The following SCARA5 variants were observed in gnomAD, a reference collection of about 807,000 sequenced individuals.
The protein encoded by SCARA5 is scavenger receptor class A, member 5 (putative).
A neutral mutation model predicts 46.3 loss-of-function variants in SCARA5; 45 were observed. The observed-to-expected ratio is 0.97, with a 90% CI of 0.76 to 1.24. The LOEUF is 1.24. Among genes scored for constraint, SCARA5 ranks in the 50% most tolerant of loss-of-function variants. The probability of loss-of-function intolerance (pLI) is 0.00; values close to 1 mark genes in which losing one functional copy is unlikely to be tolerated. For missense variants in SCARA5, 680 were observed against 689.0 expected (o/e 0.99, Z 0.15); for synonymous variants, 333 against 306.5 (o/e 1.09, Z -0.90).
chr8:27,875,043 C>T (rs1417347748), intron 8 of SCARA5, among the ~76,000 whole-genome samples: 3 of 152,218 alleles, frequency 2.0e-5, no homozygotes, highest in Non-Finnish European at 4.4e-5. Context: ...TGTTATGGTG[C>T]CAGACCCCTG....
At chr8:27,984,528 C>A (rs1356877586) in intron 2 of SCARA5, among the ~76,000 whole-genome samples, 1 of 151,116 alleles carries the variant, frequency 6.6e-6, no homozygotes, top group Non-Finnish European at 1.5e-5. Context: ...ATTCATCCAT[C>A]TATCCATTCA....
chr8:27,891,236 C>T (rs1396789072), intron 7 of SCARA5, among the ~76,000 whole-genome samples: 5 of 150,278 alleles, frequency 3.3e-5, no homozygotes, highest in Admixed American at 6.7e-5. Context: ...GGAGGAGTCT[C>T]GCTCTGTCAT....
In SCARA5 at chr8:27,904,816, C is replaced by A. The variant is rs1807225173; in HGVS notation, c.1115G>T (p.Gly372Val). 6.2e-7 allele frequency: 1 copy of A among 1,612,314 alleles called. No homozygotes were observed. The change falls in exon 7 of 9, where the codon GGA becomes GTA. Residue 372 changes from glycine (G) to valine (V), a missense_variant. Gly to Val is a moderately radical substitution (Grantham distance 109). Transcript: ENST00000354914. ...TCTGTCTCCTTTCTCTCCTTTCTCTCCTTTTGGGCCTCGGTCACCTAAAAC... is the reference window on the plus strand; with the variant it reads ...TCTGTCTCCTTTCTCTCCTTTCTCTACTTTTGGGCCTCGGTCACCTAAAAC... ...RGFKGDRGPK[G>V]EKGEKGDRAG...
rs1276403351 is a variant in SCARA5 at position 27,870,229 on chromosome 8, T to G, written c.*1705A>C. 4 of 151,854 alleles carry G rather than the reference T, an allele frequency of 2.6e-5. No homozygotes were observed. The highest frequency in any genetic ancestry group is 4.4e-5 in the Non-Finnish European group (3 of 67,956). 9.4% of individuals were successfully genotyped at this position (151,854 alleles called of 1,614,324 possible). ...TTCACCTTTAGTTTTTTTTTTTTTT[T>G]TTTTTTAACTTAAATGCAAACCTTG... On this transcript the variant is annotated 3_prime_UTR_variant, in exon 9 of 9. Transcript: ENST00000354914.
rs555595121 is a variant in SCARA5, at chr8:27,955,364, G to T, written c.241+11050C>A. On this transcript the variant is annotated intron_variant, in intron 3 of 8. Coordinates refer to ENST00000354914, the MANE Select transcript of SCARA5 (RefSeq NM_173833.6). ...GCATCCCTTGGATTGCTCCAAAAAG[G>T]GTCTCAGAGAATATGAGGCCTCCAG... is the stretch of plus-strand genomic sequence containing the variant. Among the ~76,000 whole-genome samples the T allele has an allele frequency of 3.9e-5, 6 of 152,274 alleles. No homozygotes were observed. The East Asian group carries it at 9.7e-4, about 25-fold the overall frequency.
intron 4 of SCARA5, among the ~76,000 whole-genome samples, chr8:27,918,273 C>T (rs1262368966): frequency 6.6e-6 from 1 of 152,204 alleles, no homozygotes; most frequent in African/African-American, 2.4e-5. Context: ...TGCCAAAATC[C>T]TACCCTGCCC....
chr8:27,925,368 A>G (rs1414920532), intron 3 of SCARA5, among the ~76,000 whole-genome samples: 1 of 152,214 alleles, frequency 6.6e-6, no homozygotes, highest in African/African-American at 2.4e-5. Flanking sequence ...GACAAACCTG[A>G]CAAAAACAAG....
At chr8:27,891,451 G>A (rs545959164) in intron 7 of SCARA5, among the ~76,000 whole-genome samples, 15 of 152,028 alleles carry the variant, frequency 9.9e-5, no homozygotes, top group African/African-American at 2.2e-4. Context: ...TGATCTGCCC[G>A]CTTCGGCCTC....
At chr8:27,922,852 T>C (rs185866576) in intron 3 of SCARA5, among the ~76,000 whole-genome samples, 84 of 152,296 alleles carry the variant, frequency 5.5e-4, no homozygotes, top group Non-Finnish European at 5.9e-4. Context: ...GATTAGCAAC[T>C]TTTTAAAAGA....
chr8:27,914,683 T>C (rs2685338), intron 4 of SCARA5, among the ~76,000 whole-genome samples: 146,269 of 152,344 alleles, frequency 0.96, 70,521 homozygotes, highest in Middle Eastern at 1. Flanking sequence ...TTTCTCATCT[T>C]TTCTGTCACC....
intron 3 of SCARA5, among the ~76,000 whole-genome samples, chr8:27,935,661 C>A (rs1282801205): frequency 6.6e-6 from 1 of 152,150 alleles, no homozygotes; most frequent in Non-Finnish European, 1.5e-5. Context: ...CAGCACTGCC[C>A]AGCCAGGCCA....
chr8:27,915,343 C>T (rs941812748), intron 4 of SCARA5, among the ~76,000 whole-genome samples: 3 of 152,070 alleles, frequency 2.0e-5, no homozygotes, highest in Admixed American at 6.6e-5. Context: ...GGGTGGTGGG[C>T]GGGGCTGGGG....
At position 27,894,972 on chromosome 8, in the gene SCARA5, A is replaced by G. The variant is rs75262926; in HGVS notation, c.1153+9806T>C. On this transcript the variant is annotated intron_variant, in intron 7 of 8. Transcript: ENST00000354914. ...GGAGCTGGTCACTAAATACCCCAAA[A>G]CCTGCTTGGCTGTGCACCAGAAGGG... Among the ~76,000 whole-genome samples the G allele has an allele frequency of 2.5e-3, 382 of 152,052 alleles. 1 individual carries two copies. Among genetic ancestry groups the G allele is most frequent in the African/African-American group, 8.7e-3 (359 of 41,452 alleles).
chr8:27,924,741 T>C (rs962399461), intron 3 of SCARA5, among the ~76,000 whole-genome samples: 3 of 152,166 alleles, frequency 2.0e-5, no homozygotes, highest in African/African-American at 7.2e-5. Context: ...GAAAACCCCA[T>C]CATCTCAGCC....
chr8:27,891,138 C>T (rs955902834), intron 7 of SCARA5, among the ~76,000 whole-genome samples: 16 of 152,080 alleles, frequency 1.1e-4, no homozygotes, highest in African/African-American at 3.4e-4. Flanking sequence ...GAACCTCAAC[C>T]TTCCCTCTAT....
intron 3 of SCARA5, among the ~76,000 whole-genome samples, chr8:27,932,920 G>A (rs1034917011): frequency 6.6e-6 from 1 of 152,154 alleles, no homozygotes; most frequent in Non-Finnish European, 1.5e-5. Flanking sequence ...CGTCAGCCAC[G>A]GCGCTTGGCC....
Position 27,876,832 on chromosome 8 carries a change from G to C in SCARA5, c.1351+2737C>G, listed in dbSNP as rs1364594329. Reference sequence around the variant, plus strand: ...CAGGAAGGAAGAGGGTGAGAAGAAGGCTAGGAGGCAGAGCGAGAGGGACCT... The same window carrying C: ...CAGGAAGGAAGAGGGTGAGAAGAAGCCTAGGAGGCAGAGCGAGAGGGACCT... On this transcript the variant is annotated intron_variant, in intron 8 of 8. Coordinates refer to ENST00000354914, the MANE Select transcript of SCARA5 (RefSeq NM_173833.6). 2.6e-5 allele frequency among the ~76,000 whole-genome samples: 4 copies of C among 152,140 alleles called. No individual in the cohort carries two copies. In the East Asian group the frequency reaches 7.7e-4, roughly 29 times the overall value.
intron 8 of SCARA5, among the ~76,000 whole-genome samples, 156 bp downstream of exon 8, chr8:27,879,413 T>G (rs549872400): frequency 6.6e-6 from 1 of 151,816 alleles, no homozygotes. Context: ...GATGGTTGCC[T>G]GGGGCGGGGC....
intron 8 of SCARA5, among the ~76,000 whole-genome samples, chr8:27,872,981 T>C (rs924573284): frequency 6.6e-6 from 1 of 152,146 alleles, no homozygotes; most frequent in Non-Finnish European, 1.5e-5. Context: ...TGGCGGGGGA[T>C]CATTCCCGGA....
Sources: gnomAD v4.1 joint callset for allele counts (sites outside exome capture counted in the v4.1 genomes callset) on GRCh38, gnomAD v4.1.1 for gene constraint, MANE v1.5 for transcripts, NCBI Gene and HGNC (gene_info 2026-07-23, HGNC 2026-07-21) for gene names.